Variants in ZNF841 observed in about 807,000 individuals in gnomAD.
ZNF841 encodes the protein zinc finger protein 841, also known as TCONS_00006091.
ZNF841 carries 11 observed loss-of-function variants against 13.0 expected under a neutral mutation model. The observed-to-expected ratio is 0.85, with a 90% CI of 0.53 to 1.40. The LOEUF is 1.40. Ranked by LOEUF, ZNF841 falls within the 40% of genes most tolerant of loss-of-function variation. ZNF841 has a pLI of 0.00. For missense variants in ZNF841, 1,068 were observed against 1,139.5 expected, an observed-to-expected ratio of 0.94 and a Z score of 0.90; for synonymous variants, 369 against 381.6, an observed-to-expected ratio of 0.97 and a Z score of 0.38.
chr19:52,063,218 G>T (rs2087434620), downstream of ZNF841, among the ~76,000 whole-genome samples: 1 of 151,986 alleles, frequency 6.6e-6, no homozygotes, highest in East Asian at 1.9e-4. Context: ...CATTTGCAAG[G>T]TTTCTATCCA....
intron 2 of ZNF841, among the ~76,000 whole-genome samples, chr19:52,092,373 C>T (rs182176832): frequency 2.0e-5 from 3 of 152,024 alleles, no homozygotes; most frequent in Admixed American, 2.0e-4. Flanking sequence ...TACAAATGAC[C>T]AACAGGTATA....
chr19:52,079,568 G>C (rs1331757690), intron 4 of ZNF841, among the ~76,000 whole-genome samples: 2 of 152,050 alleles, frequency 1.3e-5, no homozygotes, highest in Admixed American at 1.3e-4. Context: ...TAAGAGAAAA[G>C]GGGGTTGGCC....
intron 2 of ZNF841, among the ~76,000 whole-genome samples, chr19:52,093,154 G>A (rs2088561323): frequency 1.3e-5 from 2 of 152,022 alleles, no homozygotes; most frequent in African/African-American, 4.8e-5. Context: ...TGTCCCCCAT[G>A]ATCACTACAG....
rs7359993 is a variant in ZNF841, at chr19:52,076,259, A to C, written c.143-87T>G. The C allele has an allele frequency of 3.2e-4, 459 of 1,447,086 alleles. 2 individuals are homozygous for C. In the African/African-American group the frequency reaches 5.8e-3, roughly 18 times the overall value. 89.6% of individuals were successfully genotyped at this position (1,447,086 alleles called of 1,614,324 possible). On this transcript the variant is annotated intron_variant, in intron 5 of 6. Coordinates refer to ENST00000594440, the MANE Select transcript of ZNF841 (RefSeq NM_001136499.2). ...GGTAGAAGAGAAAACACTGCAGTTG[A>C]ATCTACAAAATATTTCACAAACTCA...
At chr19:52,084,610 G>A (rs1389834066) in intron 4 of ZNF841, among the ~76,000 whole-genome samples, 177 bp downstream of exon 4, 1 of 152,148 alleles carries the variant, frequency 6.6e-6, no homozygotes, top group Non-Finnish European at 1.5e-5. Flanking sequence ...TCATGTCACT[G>A]AGTCACTGTG....
chr19:52,070,957 G>A (rs1371255790), intron 6 of ZNF841, among the ~76,000 whole-genome samples: 1 of 152,162 alleles, frequency 6.6e-6, no homozygotes, highest in Admixed American at 6.5e-5. Context: ...GGAGGACAAA[G>A]GGCAAGAGGG....
chr19:52,093,077 T>C (rs1247938983), intron 2 of ZNF841, among the ~76,000 whole-genome samples: 2 of 152,034 alleles, frequency 1.3e-5, no homozygotes, highest in South Asian at 2.1e-4. Flanking sequence ...GATTGCACCA[T>C]TGCACTCCAG....
chr19:52,062,528 G>A (rs1049499410), downstream of ZNF841, among the ~76,000 whole-genome samples: 1 of 152,064 alleles, frequency 6.6e-6, no homozygotes, highest in Non-Finnish European at 1.5e-5. Context: ...TGGATATGAA[G>A]GAACCACACC....
chr19:52,081,169 C>A (rs1445047529), intron 4 of ZNF841, among the ~76,000 whole-genome samples: 1 of 152,192 alleles, frequency 6.6e-6, no homozygotes, highest in African/African-American at 2.4e-5. Context: ...ATATAACCTA[C>A]CTATATCTTC....
rs2088327958 is a variant in ZNF841 at position 52,087,807 on chromosome 19, G to A, written c.-78+1130C>T. Among the ~76,000 whole-genome samples, 7 of 151,966 alleles carry A rather than the reference G, an allele frequency of 4.6e-5. No homozygotes were observed. The South Asian group carries it at 1.5e-3, about 32-fold the overall frequency. On this transcript the variant is annotated intron_variant, in intron 3 of 6. Coordinates refer to ENST00000594440, the MANE Select transcript of ZNF841 (RefSeq NM_001136499.2). ...TTGAGACCAGCCTGGCCAACGTGGT[G>A]AAACCCCGTCTCTACTAAAAATACA...
chr19:52,067,097 A>AT lies in ZNF841; in HGVS notation c.784dup (p.Ile262AsnfsTer3), dbSNP rs1193878150. On this transcript the variant is annotated frameshift_variant, in exon 7 of 7. Coordinates refer to ENST00000594440, the MANE Select transcript of ZNF841 (RefSeq NM_001136499.2). LOFTEE classifies it low-confidence loss of function (END_TRUNC). ...GAAGGCTTTGCCACACTCATTACCTATGTAAGGTTTTTCCCTAATATGTGT... is the reference window on the plus strand; with the variant it reads ...GAAGGCTTTGCCACACTCATTACCTATTGTAAGGTTTTTCCCTAATATGTGT... The AT allele has an allele frequency of 6.3e-7, 1 of 1,593,730 alleles. No homozygotes were observed.
At position 52,065,341 on chromosome 19, in the gene ZNF841, C is replaced by T; in HGVS notation, c.2541G>A (p.Lys847=). 6.2e-7 allele frequency: 1 copy of T among 1,608,878 alleles called. No homozygotes were observed. The highest frequency in any genetic ancestry group is 8.5e-7 in the Non-Finnish European group (1 of 1,177,114). The change falls in exon 7 of 7, where the codon AAG becomes AAA. Residue 847 remains lysine, a synonymous_variant. Transcript: ENST00000594440. The part of the protein sequence containing the change: ...VYHQRNHTGE[K]PYKCMECGKA... ...TGCCACATTCCATACATTTGTATGG[C>T]TTCTCTCCAGTATGGTTTCTCTGAT...
chr19:52,090,251 CT>C (rs1305663641), intron 2 of ZNF841, among the ~76,000 whole-genome samples: 1 of 152,126 alleles, frequency 6.6e-6, no homozygotes, highest in Non-Finnish European at 1.5e-5. Flanking sequence ...ACTGAAAGCT[CT>C]TAAGACACTG....
chr19:52,076,928 T>C, intron 5 of ZNF841, 30 bp downstream of exon 5: 1 of 1,608,052 alleles, frequency 6.2e-7, no homozygotes, highest in Non-Finnish European at 8.5e-7. Context: ...CAAGGGAAGA[T>C]CCTAACTTCT....
rs764656041 is a variant in ZNF841 at position 52,066,740 on chromosome 19, C to G, written c.1142G>C (p.Cys381Ser). The change falls in exon 7 of 7, where the codon TGC becomes TCC. Residue 381 changes from cysteine (C) to serine (S), a missense_variant. Coordinates refer to ENST00000594440, the MANE Select transcript of ZNF841 (RefSeq NM_001136499.2). ...KPYKCNRCGK[C>S]FSQSSSLATH... Reference sequence around the variant, plus strand: ...TGCAAGAGAGGAACTTTGACTAAAGCACTTCCCACATCGATTACATTTGTA... The same window carrying G: ...TGCAAGAGAGGAACTTTGACTAAAGGACTTCCCACATCGATTACATTTGTA... 1.2e-6 allele frequency: 2 copies of G among 1,610,892 alleles called. No individual in the cohort carries two copies. Among genetic ancestry groups the G allele is most frequent in the Non-Finnish European group, 1.7e-6 (2 of 1,178,400 alleles).
At chr19:52,070,465 G>A (rs1344704779) in intron 6 of ZNF841, among the ~76,000 whole-genome samples, 1 of 152,200 alleles carries the variant, frequency 6.6e-6, no homozygotes, top group African/African-American at 2.4e-5. Context: ...CAGCTGCGCA[G>A]TCCAGAGTAG....
intron 1 of ZNF841, among the ~76,000 whole-genome samples, chr19:52,094,895 A>T (rs1205540737): frequency 6.6e-6 from 1 of 151,566 alleles, no homozygotes; most frequent in East Asian, 1.9e-4. Flanking sequence ...TCCCCCTGCT[A>T]CTTTTTCCAT....
Position 52,065,671 on chromosome 19 carries a change from G to A in ZNF841, c.2211C>T (p.Tyr737=). 6.2e-7 allele frequency: 1 copy of A among 1,604,058 alleles called. No individual in the cohort carries two copies. The change falls in exon 7 of 7, where the codon TAC becomes TAT. Residue 737 remains tyrosine (Y), a synonymous_variant. Transcript: ENST00000594440. ...AGACTTTCCCACATTCAATACATTT[G>A]TATGGCATCTCTCCAGTATGTCTTC... is the stretch of plus-strand genomic sequence containing the variant. The part of the protein sequence containing the change: ...HQRRHTGEMP[Y]KCIECGKVFN...
intron 2 of ZNF841, among the ~76,000 whole-genome samples, chr19:52,091,132 C>T (rs2088484172): frequency 6.6e-6 from 1 of 152,106 alleles, no homozygotes; most frequent in Non-Finnish European, 1.5e-5. Context: ...CTGTGTCCGT[C>T]CCCCTTTGTT....
Sources: gnomAD v4.1 joint callset for allele counts (sites outside exome capture counted in the v4.1 genomes callset) on GRCh38, gnomAD v4.1.1 for gene constraint, MANE v1.5 for transcripts, NCBI Gene and HGNC (gene_info 2026-07-23, HGNC 2026-07-21) for gene names.